CCSER2: variants seen among roughly 807,000 people sequenced by gnomAD.
CCSER2 encodes coiled-coil serine rich protein 2.
Under a neutral mutation model 92.3 loss-of-function variants are expected in CCSER2, and 46 were observed. That is an observed-to-expected ratio of 0.50 (90% CI 0.39 to 0.64). The LOEUF (loss-of-function observed/expected upper bound fraction) is 0.64, where lower values mean the gene tolerates loss of function less well. CCSER2 is among the 30% of genes least tolerant of loss of function. The pLI is 0.00. For missense variants in CCSER2, 1,244 were observed against 1,238.9 expected, an observed-to-expected ratio of 1.00 and a Z score of -0.06; for synonymous variants, 433 against 431.4, an observed-to-expected ratio of 1.00 and a Z score of -0.04.
chr10:84,465,531 G>T (rs986414163), intron 7 of CCSER2, among the ~76,000 whole-genome samples: 3 of 151,396 alleles, frequency 2.0e-5, no homozygotes, highest in African/African-American at 7.3e-5. Flanking sequence ...TCACCATGTT[G>T]TCCAGGCTGG....
chr10:84,445,501 G>A (rs915437169), intron 6 of CCSER2, among the ~76,000 whole-genome samples: 2 of 152,118 alleles, frequency 1.3e-5, no homozygotes, highest in African/African-American at 4.8e-5. Flanking sequence ...TCTTAACAAA[G>A]TGTAATATAC....
At chr10:84,448,022 C>T (rs1845035678) in intron 6 of CCSER2, among the ~76,000 whole-genome samples, 1 of 152,082 alleles carries the variant, frequency 6.6e-6, no homozygotes, top group Non-Finnish European at 1.5e-5. Flanking sequence ...TTCCGTGTAC[C>T]CTTTTCTCAT....
At chr10:84,501,077 G>A (rs1179999879) in intron 9 of CCSER2, among the ~76,000 whole-genome samples, 1 of 152,090 alleles carries the variant, frequency 6.6e-6, no homozygotes, top group African/African-American at 2.4e-5. Flanking sequence ...TTTACTGGAA[G>A]CAATGAGAAA....
intron 4 of CCSER2, among the ~76,000 whole-genome samples, chr10:84,419,856 C>G (rs974238457): frequency 6.6e-6 from 1 of 152,146 alleles, no homozygotes; most frequent in Non-Finnish European, 1.5e-5. Flanking sequence ...CAGTAAATGA[C>G]AGAAAGCATC....
chr10:84,502,367 CTTTTTTT>C (rs562377515), intron 9 of CCSER2, among the ~76,000 whole-genome samples: 16 of 111,264 alleles, frequency 1.4e-4, no homozygotes, highest in Admixed American at 1.9e-4. Context: ...TTGATGACTT[CTTTTTTT>C]TTTTTTTTTT....
chr10:84,477,657 G>A lies in CCSER2; in HGVS notation c.2318G>A (p.Arg773Gln), dbSNP rs751772415. ...ADKYTQTPWRRIPPQVLQPSS... is the reference protein window; with the variant it reads ...ADKYTQTPWRQIPPQVLQPSS... ...AAATATACCCAAACACCCTGGAGAC[G>A]AATTCCTGTAAGTAACATTTGCTCT... The change falls in exon 9 of 10, where the codon CGA (arginine) becomes CAA (glutamine). Residue 773 changes from arginine (R) to glutamine (Q), a missense_variant. Physicochemically the swap from Arg to Gln is conservative, Grantham distance 43 (BLOSUM62 1). Coordinates refer to ENST00000372088, the MANE Select transcript of CCSER2 (RefSeq NM_001284240.2). 5.0e-6 allele frequency: 8 copies of A among 1,585,128 alleles called. No individual in the cohort carries two copies. Among genetic ancestry groups the A allele is most frequent in the East Asian group, 2.2e-5 (1 of 44,580 alleles).
Position 84,517,786 on chromosome 10 carries a change from C to A in CCSER2, c.*3519C>A, listed in dbSNP as rs968939056. The A allele has an allele frequency of 6.6e-6, 1 of 152,614 alleles. No individual in the cohort carries two copies. Among genetic ancestry groups the A allele is most frequent in the Non-Finnish European group, 1.5e-5 (1 of 68,042 alleles). The allele number at this position is 152,614 out of a possible 1,614,324, so 9.5% of individuals were successfully genotyped here. On this transcript the variant is annotated 3_prime_UTR_variant, in exon 10 of 10. Coordinates refer to ENST00000372088, the MANE Select transcript of CCSER2 (RefSeq NM_001284240.2). ...CGTGATCCCCCTACAGCTGTCACTTCCAAATGTTCCTGTAGCATAAATGGT... is the reference window on the plus strand; with the variant it reads ...CGTGATCCCCCTACAGCTGTCACTTACAAATGTTCCTGTAGCATAAATGGT...
rs145094816 is a variant in CCSER2, at chr10:84,388,611, G to C, written c.1614+14796G>C. Among the ~76,000 whole-genome samples, 255 of 152,246 alleles carry C rather than the reference G, an allele frequency of 1.7e-3. 1 individual carries two copies. Among genetic ancestry groups the C allele is most frequent in the Middle Eastern group, 0.01 (3 of 294 alleles). ...CCTACCTGAAGCCCTATGGCCTTCA[G>C]ATACTTTAATACAGTAATTCCCAAA... On this transcript the variant is annotated intron_variant, in intron 3 of 9. Coordinates refer to ENST00000372088, the MANE Select transcript of CCSER2 (RefSeq NM_001284240.2).
At position 84,373,621 on chromosome 10, in the gene CCSER2, A is replaced by T. The variant is rs773996684; in HGVS notation, c.1420A>T (p.Arg474Trp). ...DEWIDISVSD[R>W]SECTKHTSGN... ...CAGTAACCTTTTTTCTCTTGAAGAC[A>T]GGAGTGAATGTACAAAACATACTTC... The change falls in exon 3 of 10, where the codon AGG (arginine) becomes TGG (tryptophan). Residue 474 changes from arginine to tryptophan, a missense_variant and splice_region_variant. Coordinates refer to ENST00000372088, the MANE Select transcript of CCSER2 (RefSeq NM_001284240.2). The T allele has an allele frequency of 6.2e-7, 1 of 1,605,274 alleles. No individual in the cohort carries two copies. The highest frequency in any genetic ancestry group is 1.3e-5 in the African/African-American group (1 of 74,766).
At chr10:84,381,974 A>C (rs1729656968) in intron 3 of CCSER2, among the ~76,000 whole-genome samples, 2 of 150,922 alleles carry the variant, frequency 1.3e-5, no homozygotes, top group Admixed American at 6.6e-5. Context: ...CACTCTTTGC[A>C]TGTATTGTCA....
chr10:84,475,722 A>G (rs1847099035), intron 8 of CCSER2, among the ~76,000 whole-genome samples: 1 of 152,158 alleles, frequency 6.6e-6, no homozygotes, highest in Non-Finnish European at 1.5e-5. Flanking sequence ...TTTCGTTACG[A>G]TAGTGTTTTT....
intron 9 of CCSER2, among the ~76,000 whole-genome samples, chr10:84,511,036 A>C (rs535381872): frequency 1.3e-5 from 2 of 152,322 alleles, no homozygotes; most frequent in East Asian, 3.9e-4. Flanking sequence ...TTTTAATAAA[A>C]ATATAAAATT....
chr10:84,486,825 A>G (rs191892837), intron 9 of CCSER2, among the ~76,000 whole-genome samples: 104 of 152,362 alleles, frequency 6.8e-4, no homozygotes, highest in African/African-American at 7.5e-4. Context: ...GCCCATGCCT[A>G]TGTCCTGAAT....
intron 6 of CCSER2, among the ~76,000 whole-genome samples, chr10:84,453,044 G>T (rs184749296): frequency 1.3e-3 from 191 of 152,194 alleles, no homozygotes; most frequent in Non-Finnish European, 2.0e-3. Context: ...CTAAAATCTG[G>T]ACTGCTAGAC....
chr10:84,487,511 G>C (rs1847881391), intron 9 of CCSER2, among the ~76,000 whole-genome samples: 1 of 152,160 alleles, frequency 6.6e-6, no homozygotes, highest in Non-Finnish European at 1.5e-5. Context: ...AAGCAATTGT[G>C]AATGGGAGTT....
At chr10:84,454,130 G>T (rs1845460593) in intron 6 of CCSER2, among the ~76,000 whole-genome samples, 1 of 152,092 alleles carries the variant, frequency 6.6e-6, no homozygotes, top group Admixed American at 6.5e-5. Flanking sequence ...CTGTCTGAAG[G>T]CTCTGTAAGA....
At chr10:84,459,528 TG>T (rs1564688234) in intron 6 of CCSER2, among the ~76,000 whole-genome samples, 1 of 151,946 alleles carries the variant, frequency 6.6e-6, no homozygotes, top group Non-Finnish European at 1.5e-5. Flanking sequence ...GGTTTGGTTT[TG>T]GGGGGGAATC....
At chr10:84,499,879 G>A (rs1848633077) in intron 9 of CCSER2, 1 of 1,613,866 alleles carries the variant, frequency 6.2e-7, no homozygotes, top group African/African-American at 1.3e-5. Flanking sequence ...GCACAGGGTG[G>A]GTATTCTGCT....
chr10:84,373,460 G>T (rs555733418), intron 2 of CCSER2, among the ~76,000 whole-genome samples, 159 bp from the exon 3 acceptor site: 7 of 152,160 alleles, frequency 4.6e-5, no homozygotes, highest in South Asian at 2.1e-4. Context: ...TTTGGCTCTT[G>T]ATGTTTTTAT....
Sources: allele counts gnomAD v4.1 joint callset (sites outside exome capture counted in the v4.1 genomes callset), GRCh38; gene constraint gnomAD v4.1.1; transcripts MANE v1.5; gene names NCBI Gene and HGNC (gene_info 2026-07-23, HGNC 2026-07-21).